The following NPAS3 variants were observed in gnomAD, a reference collection of about 807,000 sequenced individuals.
The protein encoded by NPAS3 is neuronal PAS domain protein 3, also known as neuronal PAS domain-containing protein 3.
In NPAS3, 14 loss-of-function variants were observed where a neutral mutation model predicts 73.1. The ratio of observed to expected loss-of-function variants is 0.19; its 90% CI spans 0.13 to 0.30. NPAS3 has a LOEUF of 0.30. Among genes scored for constraint, NPAS3 ranks in the 10% least tolerant of loss-of-function variants. The pLI is 1.00. For missense variants in NPAS3, 1,096 were observed against 1,250.0 expected, an observed-to-expected ratio of 0.88 and a Z score of 1.86; for synonymous variants, 620 against 541.5, an observed-to-expected ratio of 1.14 and a Z score of -2.01.
In NPAS3 at chr14:33,800,770, G is replaced by A. The variant is rs963367238; in HGVS notation, c.2463G>A (p.Gln821=). 1 of 1,576,940 alleles carries A rather than the reference G, an allele frequency of 6.3e-7. No individual in the cohort carries two copies. Among genetic ancestry groups the A allele is most frequent in the South Asian group, 1.2e-5 (1 of 86,250 alleles). ...TGGCCGCCACCAGCACGGCCGCGCA[G>A]AGGGTCTACACCACGGGCACCATCC... The change falls in exon 12 of 12, where the codon CAG becomes CAA. Residue 821 remains glutamine, a synonymous_variant. Transcript: ENST00000356141. The surrounding 1 kb of genome is among the most constrained non-coding windows in gnomAD (Gnocchi z 6.5).
At chr14:33,797,579 C>T (rs1369225938) in exon 11 of NPAS3, 1 of 1,613,856 alleles carries the variant, frequency 6.2e-7, no homozygotes, top group Non-Finnish European at 8.5e-7. Flanking sequence ...TCAGGTATTA[C>T]AGGTATTATT....
intron 4 of NPAS3, among the ~76,000 whole-genome samples, chr14:33,489,910 A>C (rs369013415): frequency 6.6e-6 from 1 of 152,108 alleles, no homozygotes; most frequent in African/African-American, 2.4e-5. Context: ...TTGATTTTTC[A>C]TCTGTTCAAA....
chr14:33,301,324 T>TATATATATATATATATATATATATA (rs56204986), intron 3 of NPAS3, among the ~76,000 whole-genome samples: 1,174 of 74,882 alleles, frequency 0.016, 106 homozygotes, highest in African/African-American at 0.017. Flanking sequence ...ATATATATAT[T>TATATATATATATATATATATATATA]TTTTTTTTTT....
chr14:33,718,233 T>G (rs1246125618), intron 6 of NPAS3, among the ~76,000 whole-genome samples: 1 of 152,164 alleles, frequency 6.6e-6, no homozygotes, highest in East Asian at 1.9e-4. Context: ...TGTTGTCACT[T>G]TGTCTGTGTA....
chr14:33,089,871 A>G (rs575570731), intron 2 of NPAS3, among the ~76,000 whole-genome samples: 1 of 152,352 alleles, frequency 6.6e-6, no homozygotes, highest in Non-Finnish European at 1.5e-5. Context: ...AGAATTTTCA[A>G]CCTAAAATTT....
At chr14:32,962,763 ATG>A (rs2139237180) in intron 1 of NPAS3, among the ~76,000 whole-genome samples, 1 of 151,040 alleles carries the variant, frequency 6.6e-6, no homozygotes. Flanking sequence ...GGGTTTCACC[ATG>A]TTGGTCAGGC....
intron 4 of NPAS3, among the ~76,000 whole-genome samples, chr14:33,382,142 G>T (rs1469320755): frequency 6.6e-6 from 1 of 152,014 alleles, no homozygotes; most frequent in Admixed American, 6.6e-5. Flanking sequence ...CCCAAAGAAT[G>T]TCATGCCTAA....
intron 6 of NPAS3, among the ~76,000 whole-genome samples, chr14:33,704,917 A>G (rs1282669427): frequency 1.3e-5 from 2 of 152,194 alleles, no homozygotes; most frequent in African/African-American, 4.8e-5. Flanking sequence ...TGGCATTGCT[A>G]TGCACCCACA....
chr14:33,541,399 C>A (rs73269032), intron 4 of NPAS3, among the ~76,000 whole-genome samples: 1 of 152,092 alleles, frequency 6.6e-6, no homozygotes, highest in Non-Finnish European at 1.5e-5. Context: ...GAGTAAATGC[C>A]GCTTAAAGCT....
chr14:33,263,293 T>C (rs1217159466), intron 3 of NPAS3, among the ~76,000 whole-genome samples: 2 of 152,246 alleles, frequency 1.3e-5, no homozygotes, highest in African/African-American at 2.4e-5. Context: ...AATTAATTTT[T>C]GTATAAGGTG....
intron 6 of NPAS3, among the ~76,000 whole-genome samples, chr14:33,727,270 A>G (rs2061293874): frequency 6.6e-6 from 1 of 152,200 alleles, no homozygotes; most frequent in South Asian, 2.1e-4. Context: ...TTACAAAAGC[A>G]AAGAGCAATC....
chr14:33,591,740 T>A (rs2057074447), intron 5 of NPAS3, among the ~76,000 whole-genome samples: 1 of 152,174 alleles, frequency 6.6e-6, no homozygotes, highest in Admixed American at 6.5e-5. Context: ...CTAAGCACAG[T>A]CAAATCTCTT....
chr14:33,305,421 CACCTTGCAAA>C (rs1247816443), intron 3 of NPAS3, among the ~76,000 whole-genome samples: 1 of 152,076 alleles, frequency 6.6e-6, no homozygotes, highest in African/African-American at 2.4e-5. Flanking sequence ...AGGACATTCT[CACCTTGCAAA>C]GGGTGAAAAA....
intron 6 of NPAS3, among the ~76,000 whole-genome samples, chr14:33,700,529 C>T (rs1176812273): frequency 6.6e-6 from 1 of 152,164 alleles, no homozygotes; most frequent in Non-Finnish European, 1.5e-5. Flanking sequence ...GCCCTAGAGT[C>T]CTACGGTAAT....
At chr14:33,459,005 TA>T (rs567395657) in intron 4 of NPAS3, among the ~76,000 whole-genome samples, 12 of 152,246 alleles carry the variant, frequency 7.9e-5, no homozygotes, top group Non-Finnish European at 1.2e-4. Context: ...TGCCCATTTT[TA>T]TGGTTGTTTC....
At chr14:33,709,975 C>T (rs2060771716) in intron 6 of NPAS3, among the ~76,000 whole-genome samples, 1 of 152,242 alleles carries the variant, frequency 6.6e-6, no homozygotes, top group Non-Finnish European at 1.5e-5. Flanking sequence ...CTTCAACACT[C>T]ACACTTGTGT....
intron 2 of NPAS3, among the ~76,000 whole-genome samples, chr14:33,056,679 G>T (rs988286154): frequency 7.2e-5 from 11 of 152,156 alleles, no homozygotes; most frequent in African/African-American, 2.4e-4. Flanking sequence ...ATCATAGTTG[G>T]ACTTGTATTG....
chr14:33,673,219 C>A (rs1385174192), intron 5 of NPAS3, among the ~76,000 whole-genome samples: 1 of 152,216 alleles, frequency 6.6e-6, no homozygotes, highest in East Asian at 1.9e-4. Context: ...TGCTTAGCCT[C>A]TATGGCTGCC....
intron 3 of NPAS3, among the ~76,000 whole-genome samples, chr14:33,361,835 AT>A (rs375724014): frequency 1.4e-4 from 22 of 152,000 alleles, no homozygotes; most frequent in African/African-American, 4.6e-4. Context: ...AATACATGAG[AT>A]TTTTTTTCTG....
Sources: gnomAD v4.1 joint callset for allele counts (sites outside exome capture counted in the v4.1 genomes callset) on GRCh38, gnomAD v4.1.1 for gene constraint, Gnocchi (gnomAD v3.1) non-coding constraint, MANE v1.5 for transcripts, NCBI Gene and HGNC (gene_info 2026-07-23, HGNC 2026-07-21) for gene names.